The following KCNQ3 variants were observed in gnomAD, a reference collection of about 807,000 sequenced individuals.
The protein encoded by KCNQ3 is potassium voltage-gated channel subfamily Q member 3.
A neutral mutation model predicts 92.5 loss-of-function variants in KCNQ3; 30 were observed. The observed-to-expected ratio is 0.32, with a 90% CI of 0.24 to 0.44. The LOEUF (loss-of-function observed/expected upper bound fraction) is 0.44. KCNQ3 is among the 20% of genes least tolerant of loss of function. The pLI, the probability that KCNQ3 is intolerant of heterozygous loss-of-function variation, is 1.00. For missense variants in KCNQ3, 913 were observed against 1,140.3 expected (o/e 0.80, Z 2.87); for synonymous variants, 450 against 468.8 (o/e 0.96, Z 0.52).
intron 1 of KCNQ3, among the ~76,000 whole-genome samples, chr8:132,445,325 G>A (rs1000863001): frequency 5.9e-5 from 9 of 152,128 alleles, no homozygotes; most frequent in Non-Finnish European, 1.3e-4. Flanking sequence ...AGGTGAGGAG[G>A]AGGAAAGGCA....
chr8:132,134,177 C>G, intron 13 of KCNQ3, 113 bp downstream of exon 13: 1 of 807,200 alleles, frequency 1.2e-6, no homozygotes. Context: ...CTTCATTTTA[C>G]TTAGGAGAGT....
intron 1 of KCNQ3, among the ~76,000 whole-genome samples, chr8:132,479,427 A>T (rs751045358): frequency 7.9e-5 from 12 of 152,102 alleles, no homozygotes; most frequent in Non-Finnish European, 1.8e-4. Context: ...TGTTTCAGCC[A>T]AAAGAGTCCC....
intron 1 of KCNQ3, among the ~76,000 whole-genome samples, chr8:132,259,588 A>G (rs1181389088): frequency 1.3e-5 from 2 of 152,198 alleles, no homozygotes; most frequent in Non-Finnish European, 2.9e-5. Context: ...AAAATCAGGA[A>G]CAAACAAAGC....
At chr8:132,380,643 A>G (rs1297574038) in intron 1 of KCNQ3, among the ~76,000 whole-genome samples, 1 of 151,906 alleles carries the variant, frequency 6.6e-6, no homozygotes, top group Non-Finnish European at 1.5e-5. Context: ...AGCCACATTC[A>G]CCAGACTTAC....
chr8:132,411,238 AGG>A (rs2130797433), intron 1 of KCNQ3, among the ~76,000 whole-genome samples: 1 of 152,264 alleles, frequency 6.6e-6, no homozygotes, highest in East Asian at 1.9e-4. Flanking sequence ...GGGAGGTGAG[AGG>A]GGCTTCACAC....
intron 1 of KCNQ3, among the ~76,000 whole-genome samples, chr8:132,291,190 A>G (rs1816824941): frequency 6.6e-6 from 1 of 152,238 alleles, no homozygotes; most frequent in South Asian, 2.1e-4. Context: ...AGTAATGCAT[A>G]TAAAGCACTC....
intron 1 of KCNQ3, among the ~76,000 whole-genome samples, chr8:132,260,862 CATCT>C (rs1229651687): frequency 2.6e-5 from 4 of 152,188 alleles, no homozygotes; most frequent in African/African-American, 7.2e-5. Flanking sequence ...TCCATCCATC[CATCT>C]GTGCATCCAA....
At chr8:132,294,681 T>A (rs899662206) in intron 1 of KCNQ3, among the ~76,000 whole-genome samples, 2 of 152,208 alleles carry the variant, frequency 1.3e-5, no homozygotes, top group South Asian at 2.1e-4. Flanking sequence ...ATCAAGCTGG[T>A]CACACTGGCA....
intron 1 of KCNQ3, among the ~76,000 whole-genome samples, chr8:132,325,878 G>C (rs369461366): frequency 6.6e-6 from 1 of 152,276 alleles, no homozygotes; most frequent in South Asian, 2.1e-4. Context: ...ACAGGATCAT[G>C]AGAGGCCAAA....
intron 2 of KCNQ3, among the ~76,000 whole-genome samples, chr8:132,185,348 C>T (rs1286598965): frequency 6.6e-6 from 1 of 152,264 alleles, no homozygotes; most frequent in East Asian, 1.9e-4. Flanking sequence ...AGAGGCAGGA[C>T]TGACTCCTAA....
rs188312904 is a variant in KCNQ3 at position 132,282,537 on chromosome 8, C to T, written c.387-96356G>A. On this transcript the variant is annotated intron_variant, in intron 1 of 14. Transcript: ENST00000388996. Reference sequence around the variant, plus strand: ...TTTCTTCCCACAGTGCTTATCCCCCCTTGCTCTGCTCCCGCCCCCTGGAAC... The same window carrying T: ...TTTCTTCCCACAGTGCTTATCCCCCTTTGCTCTGCTCCCGCCCCCTGGAAC... Among the ~76,000 whole-genome samples the T allele has an allele frequency of 4.6e-3, 700 of 152,290 alleles. 18 individuals are homozygous for T. Among genetic ancestry groups the T allele is most frequent in the Admixed American group, 0.035 (543 of 15,296 alleles).
chr8:132,355,856 A>G (rs1819006008), intron 1 of KCNQ3, among the ~76,000 whole-genome samples: 1 of 152,156 alleles, frequency 6.6e-6, no homozygotes, highest in South Asian at 2.1e-4. Context: ...TCCCTCAACT[A>G]CCTGATCCTG....
chr8:132,174,359 G>C lies in KCNQ3; in HGVS notation c.934-10C>G. 1 of 1,534,058 alleles carries C rather than the reference G, an allele frequency of 6.5e-7. No homozygotes were observed. Among genetic ancestry groups the C allele is most frequent in the South Asian group, 1.2e-5 (1 of 83,686 alleles). On this transcript the variant is annotated splice_polypyrimidine_tract_variant and intron_variant, in intron 5 of 14. Transcript: ENST00000388996. ...TGGTGGCCAGTGTGATCTGAAGAGA[G>C]AAGAGTTCAGACATGGAGTACCACA...
At chr8:132,228,380 A>G (rs1726920712) in intron 1 of KCNQ3, among the ~76,000 whole-genome samples, 1 of 152,176 alleles carries the variant, frequency 6.6e-6, no homozygotes, top group South Asian at 2.1e-4. Flanking sequence ...TGAGAGAGAG[A>G]GAGAGAGAGA....
rs1824691955 is a variant in KCNQ3, at chr8:132,127,020, G to C, written c.*2242C>G. On this transcript the variant is annotated 3_prime_UTR_variant, in exon 15 of 15. Transcript: ENST00000388996. Reference sequence around the variant, plus strand: ...AGAAGAGCATAGTAACATGTTGGATGTTAGGCAGGTGATCATCTCAAGTGA... The same window carrying C: ...AGAAGAGCATAGTAACATGTTGGATCTTAGGCAGGTGATCATCTCAAGTGA... 6.6e-6 allele frequency: 1 copy of C among 152,176 alleles called. No individual in the cohort carries two copies. Among genetic ancestry groups the C allele is most frequent in the Non-Finnish European group, 1.5e-5 (1 of 68,036 alleles). The allele number at this position is 152,176 out of a possible 1,614,324, so 9.4% of individuals were successfully genotyped here. A position where few individuals can be genotyped will look rare whatever the true frequency, so the allele number is the denominator to read the frequency against.
chr8:132,338,991 G>A (rs556349439), intron 1 of KCNQ3, among the ~76,000 whole-genome samples: 1 of 152,276 alleles, frequency 6.6e-6, no homozygotes, highest in South Asian at 2.1e-4. Context: ...AGACCACAGG[G>A]CAAAACCATT....
intron 1 of KCNQ3, among the ~76,000 whole-genome samples, chr8:132,304,932 A>G (rs1012145334): frequency 6.6e-6 from 1 of 152,190 alleles, no homozygotes; most frequent in Non-Finnish European, 1.5e-5. Context: ...AAATGAGGCA[A>G]TTAGGGAGTA....
At chr8:132,431,670 C>A (rs1177198184) in intron 1 of KCNQ3, among the ~76,000 whole-genome samples, 2 of 152,222 alleles carry the variant, frequency 1.3e-5, no homozygotes, top group Non-Finnish European at 2.9e-5. Flanking sequence ...GGCCCCCAGA[C>A]TGGGAGAAGA....
intron 1 of KCNQ3, among the ~76,000 whole-genome samples, chr8:132,241,885 G>A (rs942455720): frequency 1.6e-4 from 25 of 152,108 alleles, no homozygotes; most frequent in African/African-American, 5.8e-4. Flanking sequence ...TGGTAGAAGG[G>A]TAATGGATTA....
Sources: allele counts gnomAD v4.1 joint callset (sites outside exome capture counted in the v4.1 genomes callset), GRCh38; gene constraint gnomAD v4.1.1; transcripts MANE v1.5; gene names NCBI Gene and HGNC (gene_info 2026-07-23, HGNC 2026-07-21).